The following IL21R variants were observed in gnomAD, a reference collection of about 807,000 sequenced individuals.
The protein encoded by IL21R is interleukin 21 receptor, also known as interleukin-21 receptor.
A neutral mutation model predicts 41.3 loss-of-function variants in IL21R; 14 were observed. The ratio of observed to expected loss-of-function variants is 0.34; its 90% CI spans 0.22 to 0.53. The LOEUF is 0.53. Ranked by LOEUF, IL21R falls within the 20% of genes least tolerant of loss-of-function variation. The pLI, the probability that IL21R is intolerant of heterozygous loss-of-function variation, is 0.94. For missense variants in IL21R, 588 were observed against 681.6 expected (o/e 0.86, Z 1.53); for synonymous variants, 286 against 287.6 (o/e 0.99, Z 0.05).
At chr16:27,406,327 G>A (rs1237603271) in intron 1 of IL21R, among the ~76,000 whole-genome samples, 1 of 152,148 alleles carries the variant, frequency 6.6e-6, no homozygotes, top group Non-Finnish European at 1.5e-5. Context: ...CTGAGAGATT[G>A]CAAGGTTTGG....
intron 5 of IL21R, 101 bp downstream of exon 5, chr16:27,443,217 T>C: frequency 8.8e-7 from 1 of 1,139,358 alleles, no homozygotes; most frequent in Non-Finnish European, 1.2e-6. Flanking sequence ...ACATCATTCA[T>C]GGCCAAGAAC....
At chr16:27,429,509 T>C (rs3093301) in intron 1 of IL21R, among the ~76,000 whole-genome samples, 57,720 of 152,054 alleles carry the variant, frequency 0.38, 11,294 homozygotes, top group East Asian at 0.54. Context: ...TGGTGACTCA[T>C]GCCTGTCATC....
intron 1 of IL21R, among the ~76,000 whole-genome samples, chr16:27,412,419 T>C (rs2086836251): frequency 2.7e-5 from 4 of 147,574 alleles, no homozygotes; most frequent in Admixed American, 2.7e-4. Context: ...TTCTTCTTCT[T>C]CTTTTTTTTT....
chr16:27,405,932 C>A (rs1472948516), intron 1 of IL21R, among the ~76,000 whole-genome samples: 1 of 152,254 alleles, frequency 6.6e-6, no homozygotes, highest in Non-Finnish European at 1.5e-5. Flanking sequence ...AAGGATCTGG[C>A]CACCCCGACC....
intron 2 of IL21R, among the ~76,000 whole-genome samples, chr16:27,432,869 C>G (rs1009176790): frequency 7.9e-5 from 12 of 152,124 alleles, no homozygotes; most frequent in Admixed American, 3.3e-4. Flanking sequence ...GTGCTGTGAT[C>G]CATTAGCAAT....
At chr16:27,424,963 G>C (rs1409737260) in intron 1 of IL21R, among the ~76,000 whole-genome samples, 1 of 152,140 alleles carries the variant, frequency 6.6e-6, no homozygotes, top group Admixed American at 6.6e-5. Flanking sequence ...AGCAAAAGGG[G>C]GAGGCGCCAC....
intron 4 of IL21R, among the ~76,000 whole-genome samples, chr16:27,442,026 C>T (rs759060484): frequency 2.4e-4 from 37 of 152,274 alleles, no homozygotes; most frequent in Non-Finnish European, 4.6e-4. Context: ...GGGAAAAAAC[C>T]CTTGGAGATT....
intron 1 of IL21R, among the ~76,000 whole-genome samples, chr16:27,404,880 C>T (rs973566865): frequency 1.3e-5 from 2 of 152,088 alleles, no homozygotes; most frequent in African/African-American, 4.8e-5. Context: ...ATTTACTCAA[C>T]CTATTCTTCA....
chr16:27,405,723 C>T (rs907228520), intron 1 of IL21R, among the ~76,000 whole-genome samples: 8 of 152,198 alleles, frequency 5.3e-5, no homozygotes, highest in African/African-American at 4.8e-5. Flanking sequence ...CAGGTGCCAC[C>T]GCCCCCACTC....
In IL21R at chr16:27,437,593, C is replaced by T; in HGVS notation, c.258C>T (p.Phe86=). 2 of 1,614,230 alleles carry T rather than the reference C, an allele frequency of 1.2e-6. No homozygotes were observed. Among genetic ancestry groups the T allele is most frequent in the South Asian group, 2.2e-5 (2 of 91,086 alleles). The change falls in exon 4 of 9, where the codon TTC becomes TTT. Residue 86 remains phenylalanine (F), a synonymous_variant. Coordinates refer to ENST00000337929, the MANE Select transcript of IL21R (RefSeq NM_181078.3). Reference sequence around the variant, plus strand: ...CCTACACCTGCCACATGGATGTATTCCACTTCATGGCCGACGACATTTTCA... The same window carrying T: ...CCTACACCTGCCACATGGATGTATTTCACTTCATGGCCGACGACATTTTCA... ...HATYTCHMDV[F]HFMADDIFSV... is the part of the protein sequence containing the mutation.
chr16:27,442,353 CTT>C (rs1318555280), intron 4 of IL21R, among the ~76,000 whole-genome samples: 2 of 152,012 alleles, frequency 1.3e-5, no homozygotes, highest in Admixed American at 6.6e-5. Context: ...ACTTTTAACT[CTT>C]TTATTTATTT....
intron 2 of IL21R, among the ~76,000 whole-genome samples, chr16:27,432,520 A>G (rs1249060740): frequency 1.3e-5 from 2 of 152,094 alleles, no homozygotes. Flanking sequence ...TGCCTCCCCA[A>G]GTTTGGAGAC....
intron 1 of IL21R, chr16:27,403,195 A>G: frequency 7.4e-7 from 1 of 1,343,172 alleles, no homozygotes; most frequent in East Asian, 3.8e-5. Flanking sequence ...CATCTTTCTC[A>G]TGAAGCACGG....
At position 27,440,222 on chromosome 16, in the gene IL21R, A is replaced by AATAT. The variant is rs60418304; in HGVS notation, c.352+2559_352+2562dup. On this transcript the variant is annotated intron_variant, in intron 4 of 8. Transcript: ENST00000337929. Reference sequence around the variant, plus strand: ...GCAAGGTTCATTAGTTAATCTGACAAATATATATATATATATATATATATA... The same window carrying AATAT: ...GCAAGGTTCATTAGTTAATCTGACAAATATATATATATATATATATATATATATA... 9.9e-3 allele frequency among the ~76,000 whole-genome samples: 749 copies of AATAT among 75,814 alleles called. 5 individuals are homozygous for AATAT. The highest frequency in any genetic ancestry group is 0.011 in the Non-Finnish European group (460 of 43,148). 49.7% of individuals were successfully genotyped at this position (75,814 alleles called of 152,430 possible).
intron 1 of IL21R, chr16:27,403,289 C>T: frequency 7.7e-7 from 1 of 1,293,374 alleles, no homozygotes; most frequent in Non-Finnish European, 1.0e-6. Context: ...GGAGGCTGAG[C>T]CTTGAAGGAT....
rs561750504 is a variant in IL21R, at chr16:27,430,613, C to T, written c.49+493C>T. On this transcript the variant is annotated intron_variant, in intron 2 of 8. Transcript: ENST00000337929. The stretch of plus-strand genomic sequence containing the variant: ...GGTAGGTCGCTTGAGCTCAGGATCT[C>T]AAGACCAGCCTGGGCAACATGGTGA... Among the ~76,000 whole-genome samples the T allele has an allele frequency of 6.6e-5, 10 of 152,202 alleles. No individual in the cohort carries two copies. In the South Asian group the frequency reaches 2.1e-3, roughly 32 times the overall value.
chr16:27,418,907 A>T lies in IL21R; in HGVS notation c.-16-11149A>T, dbSNP rs551434950. On this transcript the variant is annotated intron_variant, in intron 1 of 8. Coordinates refer to ENST00000337929, the MANE Select transcript of IL21R (RefSeq NM_181078.3). ...ATTTTTTATTTTTTTACTTAAAAAAATTTTTTTTTGTTAAAACCTAAGACA... is the reference window on the plus strand; with the variant it reads ...ATTTTTTATTTTTTTACTTAAAAAATTTTTTTTTTGTTAAAACCTAAGACA... Among the ~76,000 whole-genome samples, 631 of 149,180 alleles carry T rather than the reference A, an allele frequency of 4.2e-3. 9 individuals are homozygous for T. The highest frequency in any genetic ancestry group is 0.015 in the African/African-American group (593 of 40,598).
Position 27,446,067 on chromosome 16 carries a change from G to A in IL21R, c.846G>A (p.Lys282=). 6.2e-7 allele frequency: 1 copy of A among 1,613,628 alleles called. No individual in the cohort carries two copies. The highest frequency in any genetic ancestry group is 1.1e-5 in the South Asian group (1 of 91,004). The change falls in exon 8 of 9, where the codon AAG becomes AAA. Residue 282 remains lysine (K), a synonymous_variant. Transcript: ENST00000337929. Reference sequence around the variant, plus strand: ...AGCGGTTCTTCATGCCCCTGTACAAGGGCTGCAGCGGAGACTTCAAGGTGA... The same window carrying A: ...AGCGGTTCTTCATGCCCCTGTACAAAGGCTGCAGCGGAGACTTCAAGGTGA... ...SPERFFMPLY[K]GCSGDFKKWV... is the part of the protein sequence containing the mutation.
intron 1 of IL21R, chr16:27,403,315 T>C (rs2086689880): frequency 8.3e-7 from 1 of 1,202,254 alleles, no homozygotes; most frequent in African/African-American, 1.6e-5. Context: ...AGGAAGAACA[T>C]TCCTGGTGGA....
Sources: allele counts gnomAD v4.1 joint callset (sites outside exome capture counted in the v4.1 genomes callset), GRCh38; gene constraint gnomAD v4.1.1; transcripts MANE v1.5; gene names NCBI Gene and HGNC (gene_info 2026-07-23, HGNC 2026-07-21).